Variants in PCDHA12 observed in about 807,000 individuals in gnomAD.
The protein encoded by PCDHA12 is protocadherin alpha 12, also known as protocadherin alpha-12.
In PCDHA12, 44 loss-of-function variants were observed where a neutral mutation model predicts 60.0. The ratio of observed to expected loss-of-function variants is 0.73; its 90% CI spans 0.58 to 0.94. The LOEUF (loss-of-function observed/expected upper bound fraction) is 0.94. Ranked by LOEUF, PCDHA12 falls within the 40% of genes least tolerant of loss-of-function variation. The pLI is 0.00. For missense variants in PCDHA12, 1,276 were observed against 1,239.7 expected (o/e 1.03, Z -0.44); for synonymous variants, 569 against 553.0 (o/e 1.03, Z -0.40).
chr5:140,890,775 CATAAG>C (rs1358140207), intron 1 of PCDHA12, among the ~76,000 whole-genome samples: 5 of 152,040 alleles, frequency 3.3e-5, no homozygotes, highest in Admixed American at 6.6e-5. Context: ...TTTAAAACCC[CATAAG>C]ATATTAGTAT....
chr5:141,006,491 G>A (rs142641127), intron 3 of PCDHA12, among the ~76,000 whole-genome samples: 4,876 of 152,234 alleles, frequency 0.032, 273 homozygotes, highest in African/African-American at 0.11. Context: ...GGGATTACAT[G>A]TGTGAGCCAC....
intron 1 of PCDHA12, among the ~76,000 whole-genome samples, chr5:140,973,337 G>T (rs2096582330): frequency 6.6e-6 from 1 of 152,162 alleles, no homozygotes; most frequent in African/African-American, 2.4e-5. Flanking sequence ...TCGTTGTAAA[G>T]TGACATAGTA....
chr5:140,928,468 G>A, intron 1 of PCDHA12: 1 of 1,614,154 alleles, frequency 6.2e-7, no homozygotes. Flanking sequence ...TTTCCAAGTA[G>A]AAGGCCGGGA....
chr5:140,947,229 GA>G lies in PCDHA12; in HGVS notation c.2368-31711del, dbSNP rs201242412. On this transcript the variant is annotated intron_variant, in intron 1 of 3. Transcript: ENST00000398631. ...AAGAAAATCCTGTCATTTATGACAGGAAAAAAAAATAAGATAATCCAATGTA... is the reference window on the plus strand; with the variant it reads ...AAGAAAATCCTGTCATTTATGACAGGAAAAAAAATAAGATAATCCAATGTA... 1.0e-3 allele frequency among the ~76,000 whole-genome samples: 154 copies of G among 148,902 alleles called. 1 individual carries two copies. The highest frequency in any genetic ancestry group is 8.9e-3 in the Admixed American group (133 of 14,994).
intron 1 of PCDHA12, among the ~76,000 whole-genome samples, chr5:140,895,004 T>C (rs535461448): frequency 6.6e-6 from 1 of 152,316 alleles, no homozygotes; most frequent in East Asian, 1.9e-4. Flanking sequence ...CCCTTTTTAC[T>C]TGGACCTTTT....
intron 1 of PCDHA12, among the ~76,000 whole-genome samples, chr5:140,973,765 G>A (rs1326498499): frequency 6.6e-6 from 1 of 152,230 alleles, no homozygotes; most frequent in African/African-American, 2.4e-5. Context: ...GACACAGCCT[G>A]GCATATTATA....
intron 1 of PCDHA12, among the ~76,000 whole-genome samples, chr5:140,951,315 C>T (rs782114634): frequency 6.6e-6 from 1 of 151,988 alleles, no homozygotes. Context: ...ATGTGTTATT[C>T]TTGAGATTCA....
At chr5:140,921,435 A>C (rs997660613) in intron 1 of PCDHA12, among the ~76,000 whole-genome samples, 4 of 152,120 alleles carry the variant, frequency 2.6e-5, no homozygotes, top group African/African-American at 4.8e-5. Flanking sequence ...ATTTTCTTCA[A>C]TGGTGTCTGA....
At chr5:140,948,679 A>C (rs1318286539) in intron 1 of PCDHA12, among the ~76,000 whole-genome samples, 1 of 151,394 alleles carries the variant, frequency 6.6e-6, no homozygotes, top group Admixed American at 6.6e-5. Context: ...CATCTTTTTC[A>C]TTTTTGATAT....
intron 1 of PCDHA12, among the ~76,000 whole-genome samples, chr5:140,937,847 A>G (rs2091797551): frequency 6.8e-6 from 1 of 148,000 alleles, no homozygotes; most frequent in Non-Finnish European, 1.5e-5. Flanking sequence ...GGAAGGCGGA[A>G]CTTGGAGTGA....
At chr5:141,004,602 G>A (rs1345777080) in intron 3 of PCDHA12, among the ~76,000 whole-genome samples, 18 of 152,298 alleles carry the variant, frequency 1.2e-4, no homozygotes, top group African/African-American at 4.1e-4. Flanking sequence ...CAGTGCTTAG[G>A]CCTCATGCAG....
chr5:140,922,647 A>G (rs568444047), intron 1 of PCDHA12, among the ~76,000 whole-genome samples: 35 of 152,262 alleles, frequency 2.3e-4, no homozygotes, highest in Non-Finnish European at 4.6e-4. Context: ...ATCAAACAGT[A>G]AATATGGCTA....
intron 1 of PCDHA12, among the ~76,000 whole-genome samples, chr5:140,892,670 A>G (rs35160890): frequency 0.3 from 45,256 of 152,112 alleles, 7,290 homozygotes; most frequent in East Asian, 0.53. Context: ...ATTTTGATAC[A>G]TATATACAAT....
In PCDHA12 at chr5:140,877,298, A is replaced by C; in HGVS notation, c.1826A>C (p.Tyr609Ser). The C allele has an allele frequency of 6.2e-7, 1 of 1,613,870 alleles. No homozygotes were observed. Residue 609 changes from tyrosine (Y) to serine (S), a missense_variant, in exon 1 of 4, where the codon TAC (tyrosine) becomes TCC (serine). Transcript: ENST00000398631. ...TCCGGCTATAACGCTTGGCTGTCCT[A>C]CGAGTTGCAACCGGCGGCGGTCGGC... ...ADSGYNAWLS[Y>S]ELQPAAVGAH... is the part of the protein sequence containing the mutation.
In PCDHA12 at chr5:140,883,629, C is replaced by T. The variant is rs1467301210; in HGVS notation, c.2367+5790C>T. ...GCCGACGTGAACGACAACGCGCCGGCGTTCGCGCAGCCCGAGTACACGGTG... is the reference window on the plus strand; with the variant it reads ...GCCGACGTGAACGACAACGCGCCGGTGTTCGCGCAGCCCGAGTACACGGTG... On this transcript the variant is annotated intron_variant, in intron 1 of 3. Transcript: ENST00000398631. 6.2e-7 allele frequency: 1 copy of T among 1,613,868 alleles called. No individual in the cohort carries two copies. Among genetic ancestry groups the T allele is most frequent in the African/African-American group, 1.3e-5 (1 of 74,936 alleles).
At chr5:140,899,508 T>C (rs1389762615) in intron 1 of PCDHA12, among the ~76,000 whole-genome samples, 4 of 151,990 alleles carry the variant, frequency 2.6e-5, no homozygotes, top group Admixed American at 1.3e-4. Flanking sequence ...GATTTGCATA[T>C]ATTGCATCCC....
At chr5:140,880,512 C>T (rs1296325164) in intron 1 of PCDHA12, among the ~76,000 whole-genome samples, 4 of 152,314 alleles carry the variant, frequency 2.6e-5, no homozygotes, top group South Asian at 4.1e-4. Flanking sequence ...TGTTTGGTCA[C>T]ATCTCTCAAT....
chr5:140,909,769 C>T (rs1213208977), intron 1 of PCDHA12, among the ~76,000 whole-genome samples: 2 of 152,104 alleles, frequency 1.3e-5, no homozygotes, highest in Non-Finnish European at 2.9e-5. Flanking sequence ...AGTCCAGGGA[C>T]CCACTGGACC....
chr5:140,886,884 A>C (rs903199967), intron 1 of PCDHA12, among the ~76,000 whole-genome samples: 9 of 151,846 alleles, frequency 5.9e-5, no homozygotes, highest in African/African-American at 1.9e-4. Flanking sequence ...AACATTCATT[A>C]ATTAAATGCA....
Sources: allele counts gnomAD v4.1 joint callset (sites outside exome capture counted in the v4.1 genomes callset), GRCh38; gene constraint gnomAD v4.1.1; transcripts MANE v1.5; gene names NCBI Gene and HGNC (gene_info 2026-07-23, HGNC 2026-07-21).